Variants in PTPRD observed in about 807,000 individuals in gnomAD.
The protein encoded by PTPRD is protein tyrosine phosphatase receptor type D.
PTPRD carries 34 observed loss-of-function variants against 214.5 expected under a neutral mutation model. The ratio of observed to expected loss-of-function variants is 0.16; its 90% CI spans 0.12 to 0.21. The LOEUF is 0.21. Among genes scored for constraint, PTPRD ranks in the 10% least tolerant of loss-of-function variants. PTPRD has a pLI of 1.00. For missense variants in PTPRD, 2,545 were observed against 2,398.7 expected (o/e 1.06, Z -1.27); for synonymous variants, 1,128 against 845.7 (o/e 1.33, Z -5.79).
At chr9:8,372,300 C>T (rs1418462134) in intron 39 of PTPRD, among the ~76,000 whole-genome samples, 3 of 151,964 alleles carry the variant, frequency 2.0e-5, no homozygotes, top group South Asian at 4.2e-4. Context: ...TCTAAATATA[C>T]ACACAGCTTT....
rs145199902 is a variant in PTPRD, at chr9:8,486,219, C to T, written c.2598G>A (p.Glu866=). ...CAGAGAACTCAAGAGTAGTAAGTGG[C>T]TCCATATCCTTGCGGCCAAATTTTA... is the stretch of plus-strand genomic sequence containing the variant. ...YRLKFGRKDM[E]PLTTLEFSEK... The change falls in exon 28 of 46, where the codon GAG becomes GAA. Residue 866 remains glutamate (E), a synonymous_variant. Transcript: ENST00000381196. The T allele has an allele frequency of 3.5e-5, 56 of 1,614,206 alleles. No individual in the cohort carries two copies. The Middle Eastern group carries it at 8.2e-4, about 24-fold the overall frequency.
chr9:9,182,669 G>A (rs2099928888), intron 10 of PTPRD, among the ~76,000 whole-genome samples: 1 of 151,854 alleles, frequency 6.6e-6, no homozygotes, highest in African/African-American at 2.4e-5. Flanking sequence ...GTATTATTAT[G>A]GTAGATGAAA....
chr9:9,463,217 T>A (rs1589101286), intron 8 of PTPRD, among the ~76,000 whole-genome samples: 1 of 152,124 alleles, frequency 6.6e-6, no homozygotes, highest in Non-Finnish European at 1.5e-5. Context: ...CCTTTGGAAA[T>A]TTGCTTTAAG....
At chr9:8,749,871 G>A (rs775346630) in intron 11 of PTPRD, among the ~76,000 whole-genome samples, 1 of 152,230 alleles carries the variant, frequency 6.6e-6, no homozygotes, top group East Asian at 2.0e-4. Context: ...GGAGGCCAAG[G>A]AGGGTGGATG....
intron 8 of PTPRD, among the ~76,000 whole-genome samples, chr9:9,541,783 C>T (rs950852185): frequency 2.0e-5 from 3 of 151,724 alleles, no homozygotes; most frequent in African/African-American, 7.3e-5. Flanking sequence ...CAGAGTAAGT[C>T]AGTGGTCTGG....
At chr9:10,067,145 G>A (rs984167832) in intron 3 of PTPRD, among the ~76,000 whole-genome samples, 1 of 151,874 alleles carries the variant, frequency 6.6e-6, no homozygotes, top group African/African-American at 2.4e-5. Flanking sequence ...GCTTGGCATT[G>A]TGAATCATAT....
At chr9:8,917,635 G>T (rs1159499846) in intron 11 of PTPRD, among the ~76,000 whole-genome samples, 1 of 151,870 alleles carries the variant, frequency 6.6e-6, no homozygotes. Flanking sequence ...GAGAACTCTT[G>T]TTGTCCTCTG....
chr9:8,552,881 C>G (rs1030932880), intron 14 of PTPRD, among the ~76,000 whole-genome samples: 3 of 152,206 alleles, frequency 2.0e-5, no homozygotes, highest in Non-Finnish European at 4.4e-5. Flanking sequence ...AGCCCCACGA[C>G]TGCCGCTGTG....
intron 11 of PTPRD, among the ~76,000 whole-genome samples, chr9:8,758,879 G>A (rs12238382): frequency 0.48 from 72,686 of 151,658 alleles, 17,985 homozygotes; most frequent in South Asian, 0.58. Context: ...TAGAGACGGG[G>A]TTTCACCCTG....
intron 7 of PTPRD, among the ~76,000 whole-genome samples, chr9:9,637,321 G>A (rs969768933): frequency 2.0e-5 from 3 of 152,082 alleles, no homozygotes; most frequent in Non-Finnish European, 4.4e-5. Flanking sequence ...GATTCGTATC[G>A]GGGCAACTTG....
intron 10 of PTPRD, among the ~76,000 whole-genome samples, chr9:9,042,859 A>G (rs1209500127): frequency 6.6e-6 from 1 of 152,040 alleles, no homozygotes; most frequent in African/African-American, 2.4e-5. Flanking sequence ...ACCAATATTC[A>G]GTTCATAGGC....
At chr9:9,845,915 G>A (rs116153438) in intron 5 of PTPRD, among the ~76,000 whole-genome samples, 1 of 152,112 alleles carries the variant, frequency 6.6e-6, no homozygotes, top group Middle Eastern at 3.4e-3. Flanking sequence ...CATACACCTG[G>A]AGCAGAGAAG....
At chr9:8,942,681 GA>G (rs950010396) in intron 11 of PTPRD, among the ~76,000 whole-genome samples, 5 of 151,676 alleles carry the variant, frequency 3.3e-5, no homozygotes, top group Non-Finnish European at 5.9e-5. Flanking sequence ...TGAAAGGGAA[GA>G]AAAAAACATC....
At chr9:9,057,330 G>GA (rs1207990124) in intron 10 of PTPRD, among the ~76,000 whole-genome samples, 1 of 152,120 alleles carries the variant, frequency 6.6e-6, no homozygotes, top group Non-Finnish European at 1.5e-5. Context: ...TATTTGAGCT[G>GA]AAAGGGGCCT....
rs1344183358 is a variant in PTPRD, at chr9:8,741,597, T to TTTTTG, written c.-103-7656_-103-7652dup. On this transcript the variant is annotated intron_variant, in intron 11 of 45. Coordinates refer to ENST00000381196, the MANE Select transcript of PTPRD (RefSeq NM_002839.4). The stretch of plus-strand genomic sequence containing the variant: ...TTTTTTTTTTTTTTTTTTTTTTTTT[T>TTTTTG]TTTTGAGATGAAGTCTCATTCTGTT... Among the ~76,000 whole-genome samples, 6 of 97,480 alleles carry TTTTTG rather than the reference T, an allele frequency of 6.2e-5. No individual in the cohort carries two copies. In the East Asian group the frequency reaches 1.6e-3, roughly 27 times the overall value. The allele number at this position is 97,480 out of a possible 152,430, so 64.0% of individuals were successfully genotyped here.
rs149021420 is a variant in PTPRD, at chr9:8,580,538, C to A, written c.353-51759G>T. Among the ~76,000 whole-genome samples, 198 of 152,204 alleles carry A rather than the reference C, an allele frequency of 1.3e-3. 1 individual carries two copies. Among genetic ancestry groups the A allele is most frequent in the African/African-American group, 4.6e-3 (192 of 41,518 alleles). On this transcript the variant is annotated intron_variant, in intron 14 of 45. Transcript: ENST00000381196. ...AATACAGCACCTGAATGTAAAGATA[C>A]CAAAGTACGTGATAGTCTGAACTAT...
chr9:8,412,894 T>G (rs1017224837), intron 35 of PTPRD, among the ~76,000 whole-genome samples: 2 of 152,188 alleles, frequency 1.3e-5, no homozygotes, highest in African/African-American at 4.8e-5. Flanking sequence ...TTGCATTTCA[T>G]ATAATAGAAA....
At chr9:8,792,990 C>T (rs1424000683) in intron 11 of PTPRD, among the ~76,000 whole-genome samples, 1 of 152,142 alleles carries the variant, frequency 6.6e-6, no homozygotes, top group Admixed American at 6.6e-5. Flanking sequence ...TGGTACAATG[C>T]CCCTGCTGCC....
At chr9:8,400,327 T>G (rs564403333) in intron 36 of PTPRD, among the ~76,000 whole-genome samples, 1 of 152,310 alleles carries the variant, frequency 6.6e-6, no homozygotes, top group East Asian at 1.9e-4. Context: ...ACAACAATAT[T>G]TAAGGTAAGC....
Sources: allele counts gnomAD v4.1 joint callset (sites outside exome capture counted in the v4.1 genomes callset), GRCh38; gene constraint gnomAD v4.1.1; transcripts MANE v1.5; gene names NCBI Gene and HGNC (gene_info 2026-07-23, HGNC 2026-07-21).